The following TMEM132D variants were observed in gnomAD, a reference collection of about 807,000 sequenced individuals.
TMEM132D encodes mature OL transmembrane protein.
In TMEM132D, 21 loss-of-function variants were observed where a neutral mutation model predicts 62.3. That is an observed-to-expected ratio of 0.34 (90% CI 0.24 to 0.49). The LOEUF (loss-of-function observed/expected upper bound fraction) is 0.49. Ranked by LOEUF, TMEM132D falls within the 20% of genes least tolerant of loss-of-function variation. TMEM132D has a pLI of 0.99. For synonymous variants in TMEM132D, 621 were observed against 575.6 expected (o/e 1.08, Z -1.13); for missense variants, 1,346 against 1,402.8 (o/e 0.96, Z 0.65).
chr12:129,442,643 G>A (rs1348590445), intron 3 of TMEM132D, among the ~76,000 whole-genome samples: 1 of 152,154 alleles, frequency 6.6e-6, no homozygotes, highest in Non-Finnish European at 1.5e-5. Flanking sequence ...GGATGTGCTA[G>A]AAGCGGTTAT....
intron 4 of TMEM132D, among the ~76,000 whole-genome samples, chr12:129,263,373 C>T (rs1880602192): frequency 6.6e-6 from 1 of 152,154 alleles, no homozygotes; most frequent in Non-Finnish European, 1.5e-5. Context: ...GCCTAGCTTA[C>T]TTCACCAAAT....
At chr12:129,892,955 C>T (rs1052203856) in intron 1 of TMEM132D, among the ~76,000 whole-genome samples, 1 of 152,170 alleles carries the variant, frequency 6.6e-6, no homozygotes, top group Non-Finnish European at 1.5e-5. Flanking sequence ...CAGCTCACTA[C>T]AACCTCCACC....
At chr12:129,830,775 A>G (rs1872805645) in intron 1 of TMEM132D, among the ~76,000 whole-genome samples, 1 of 152,134 alleles carries the variant, frequency 6.6e-6, no homozygotes, top group Non-Finnish European at 1.5e-5. Flanking sequence ...GCACTTTATA[A>G]AAGTTAGTTA....
chr12:129,396,633 C>T (rs1445908907), intron 3 of TMEM132D, among the ~76,000 whole-genome samples: 4 of 152,116 alleles, frequency 2.6e-5, no homozygotes, highest in Admixed American at 6.6e-5. Context: ...AATAGACATG[C>T]TTTCCTTTGG....
At chr12:129,174,538 T>C (rs1877845630) in intron 5 of TMEM132D, among the ~76,000 whole-genome samples, 1 of 152,226 alleles carries the variant, frequency 6.6e-6, no homozygotes, top group Non-Finnish European at 1.5e-5. Flanking sequence ...GCAATTAACA[T>C]ACATGTGCAT....
At position 129,154,484 on chromosome 12, in the gene TMEM132D, G is replaced by A. The variant is rs970607486; in HGVS notation, c.1443+55036C>T. On this transcript the variant is annotated intron_variant, in intron 5 of 8. Coordinates refer to ENST00000422113, the MANE Select transcript of TMEM132D (RefSeq NM_133448.3). ...AACTGTATAAAAATCCCCTGCTTTCGGGGAATGTGTCTTTGACATCCAGCA... is the reference window on the plus strand; with the variant it reads ...AACTGTATAAAAATCCCCTGCTTTCAGGGAATGTGTCTTTGACATCCAGCA... Among the ~76,000 whole-genome samples, 7 of 152,258 alleles carry A rather than the reference G, an allele frequency of 4.6e-5. No individual in the cohort carries two copies. In the East Asian group the frequency reaches 7.7e-4, roughly 17 times the overall value.
At chr12:129,423,269 A>G (rs970497919) in intron 3 of TMEM132D, among the ~76,000 whole-genome samples, 1 of 152,090 alleles carries the variant, frequency 6.6e-6, no homozygotes, top group African/African-American at 2.4e-5. Flanking sequence ...TCCTTTTCCT[A>G]CACATAAACA....
intron 4 of TMEM132D, among the ~76,000 whole-genome samples, chr12:129,304,967 C>T (rs555792042): frequency 6.6e-6 from 1 of 152,254 alleles, no homozygotes; most frequent in South Asian, 2.1e-4. Context: ...CCTGGCCAAG[C>T]TCTTTCTTGG....
At chr12:129,505,930 GTC>G (rs1299716225) in intron 3 of TMEM132D, among the ~76,000 whole-genome samples, 2 of 152,160 alleles carry the variant, frequency 1.3e-5, no homozygotes, top group Non-Finnish European at 2.9e-5. Flanking sequence ...TGTTAGGTGA[GTC>G]TCTTGAAGGC....
intron 1 of TMEM132D, among the ~76,000 whole-genome samples, chr12:129,809,050 G>A (rs1326288872): frequency 6.6e-6 from 1 of 152,196 alleles, no homozygotes; most frequent in East Asian, 1.9e-4. Flanking sequence ...GCTCACGCCT[G>A]TAATCCCAGC....
intron 4 of TMEM132D, among the ~76,000 whole-genome samples, chr12:129,246,870 T>C (rs747761033): frequency 2.0e-5 from 3 of 152,168 alleles, no homozygotes; most frequent in Non-Finnish European, 4.4e-5. Context: ...AAAAGTTACA[T>C]ACCCAATGCA....
At chr12:129,187,576 G>A (rs1878253300) in intron 5 of TMEM132D, among the ~76,000 whole-genome samples, 1 of 144,412 alleles carries the variant, frequency 6.9e-6, no homozygotes, top group Non-Finnish European at 1.5e-5. Context: ...GTCATTTAAT[G>A]TTTTCAAATT....
intron 1 of TMEM132D, among the ~76,000 whole-genome samples, chr12:129,774,472 A>T (rs191737322): frequency 1.3e-5 from 2 of 152,258 alleles, no homozygotes; most frequent in East Asian, 3.9e-4. Flanking sequence ...CCTGAAGGTA[A>T]GGCCCATCTC....
At chr12:129,124,811 T>C (rs1335714306) in intron 5 of TMEM132D, among the ~76,000 whole-genome samples, 2 of 152,192 alleles carry the variant, frequency 1.3e-5, no homozygotes, top group African/African-American at 4.8e-5. Flanking sequence ...ATGCCCTCAT[T>C]TTTTGGAAAC....
At chr12:129,646,252 C>T (rs186464221) in intron 2 of TMEM132D, among the ~76,000 whole-genome samples, 108 of 152,306 alleles carry the variant, frequency 7.1e-4, no homozygotes, top group African/African-American at 2.5e-3. Context: ...TTCGCACTGT[C>T]TCTTTTATTC....
intron 1 of TMEM132D, among the ~76,000 whole-genome samples, chr12:129,781,938 G>T (rs1871132442): frequency 6.6e-6 from 1 of 152,162 alleles, no homozygotes; most frequent in Non-Finnish European, 1.5e-5. Flanking sequence ...TTTTTAAGAA[G>T]TTCAAGATGC....
intron 5 of TMEM132D, among the ~76,000 whole-genome samples, chr12:129,177,056 C>T (rs186438363): frequency 3.9e-5 from 6 of 152,264 alleles, no homozygotes; most frequent in African/African-American, 7.2e-5. Context: ...GATGGAGGCA[C>T]TCACAGTGCT....
chr12:129,730,270 A>G (rs765737085), intron 1 of TMEM132D, among the ~76,000 whole-genome samples: 15 of 152,112 alleles, frequency 9.9e-5, no homozygotes, highest in Non-Finnish European at 1.9e-4. Context: ...TCTTTTTTGT[A>G]TACTTTATTT....
intron 4 of TMEM132D, among the ~76,000 whole-genome samples, chr12:129,255,611 G>C (rs745775900): frequency 3.2e-4 from 48 of 152,038 alleles, no homozygotes; most frequent in Non-Finnish European, 1.9e-4. Context: ...AAAATATTTT[G>C]TTTATCTGTG....
Sources: gnomAD v4.1 joint callset for allele counts (sites outside exome capture counted in the v4.1 genomes callset) on GRCh38, gnomAD v4.1.1 for gene constraint, MANE v1.5 for transcripts, NCBI Gene and HGNC (gene_info 2026-07-23, HGNC 2026-07-21) for gene names.